Variants in TMEM144 observed in about 807,000 individuals in gnomAD.
TMEM144 encodes the protein transmembrane protein 144.
TMEM144 carries 39 observed loss-of-function variants against 43.6 expected under a neutral mutation model. The ratio of observed to expected loss-of-function variants is 0.90; its 90% CI spans 0.69 to 1.17. TMEM144 has a LOEUF of 1.17. Among genes scored for constraint, TMEM144 ranks in the 50% most tolerant of loss-of-function variants. The pLI, the probability that TMEM144 is intolerant of heterozygous loss-of-function variation, is 0.00. For synonymous variants in TMEM144, 154 were observed against 133.6 expected, an observed-to-expected ratio of 1.15 and a Z score of -1.06; for missense variants, 417 against 411.9, an observed-to-expected ratio of 1.01 and a Z score of -0.11.
At chr4:158,213,869 A>G (rs897171565) in intron 3 of TMEM144, 2 of 152,174 alleles carry the variant, frequency 1.3e-5, no homozygotes, top group Non-Finnish European at 2.9e-5. Flanking sequence ...CTACCCGAAG[A>G]ACAAAAAAAT....
chr4:158,240,511 C>T, intron 10 of TMEM144, 93 bp downstream of exon 10: 3 of 1,357,864 alleles, frequency 2.2e-6, no homozygotes, highest in Non-Finnish European at 3.0e-6. Flanking sequence ...ACAAAGCCAT[C>T]CTCTGTGTGT....
intron 12 of TMEM144, among the ~76,000 whole-genome samples, chr4:158,244,665 A>G (rs1475403040): frequency 6.6e-6 from 1 of 152,162 alleles, no homozygotes; most frequent in Non-Finnish European, 1.5e-5. Flanking sequence ...GCGAGACTCC[A>G]TCTCAAAAAA....
chr4:158,218,603 T>C (rs1041897759), intron 5 of TMEM144, among the ~76,000 whole-genome samples: 2 of 152,038 alleles, frequency 1.3e-5, no homozygotes, highest in Non-Finnish European at 2.9e-5. Flanking sequence ...GAAAAAAAAA[T>C]TGTGGTGATG....
intron 6 of TMEM144, among the ~76,000 whole-genome samples, chr4:158,231,864 G>T (rs1735097002): frequency 2.6e-5 from 4 of 152,104 alleles, no homozygotes; most frequent in Admixed American, 2.6e-4. Flanking sequence ...AAAGGAATAT[G>T]AAACTATTCA....
chr4:158,239,250 A>T (rs893525913), intron 9 of TMEM144, among the ~76,000 whole-genome samples: 26 of 152,136 alleles, frequency 1.7e-4, no homozygotes, highest in Non-Finnish European at 3.1e-4. Flanking sequence ...CAACAGACAA[A>T]CTCTCTGTCA....
At chr4:158,237,497 A>T in intron 8 of TMEM144, 28 bp from the exon 9 acceptor site, 1 of 1,551,482 alleles carries the variant, frequency 6.4e-7, no homozygotes. Flanking sequence ...TTGAGCCAAG[A>T]TTAATAGTGA....
intron 6 of TMEM144, among the ~76,000 whole-genome samples, chr4:158,223,462 C>T (rs956770570): frequency 8.6e-5 from 13 of 152,008 alleles, no homozygotes; most frequent in African/African-American, 2.9e-4. Context: ...ACTTTAAGTT[C>T]CAGGATACAT....
chr4:158,240,163 G>A (rs1735557851), intron 9 of TMEM144, 136 bp from the exon 10 acceptor site: 1 of 968,430 alleles, frequency 1.0e-6, no homozygotes, highest in Non-Finnish European at 1.5e-6. Context: ...AGGATTACAG[G>A]TGTGAGCCAC....
intron 8 of TMEM144, 127 bp downstream of exon 8, chr4:158,235,632 C>G: frequency 1.0e-6 from 1 of 959,920 alleles, no homozygotes; most frequent in Non-Finnish European, 1.4e-6. Context: ...TGACTTCTAT[C>G]TCCATGCGGC....
chr4:158,248,641 A>G (rs778996460), intron 12 of TMEM144, among the ~76,000 whole-genome samples: 23 of 152,232 alleles, frequency 1.5e-4, no homozygotes, highest in Non-Finnish European at 3.1e-4. Context: ...TAATTTTTAA[A>G]GTATTTTTGT....
In TMEM144 at chr4:158,254,663, G is replaced by T. The variant is rs1736391128; in HGVS notation, c.*1136G>T. The T allele has an allele frequency of 6.6e-6, 1 of 152,078 alleles. No individual in the cohort carries two copies. Among genetic ancestry groups the T allele is most frequent in the South Asian group, 2.1e-4 (1 of 4,818 alleles). 9.4% of individuals were successfully genotyped at this position (152,078 alleles called of 1,614,324 possible). ...AAACAGAACTGCCAGTACAATGTTT[G>T]TTGCAATTGTTTCCAAAACTTTGAG... On this transcript the variant is annotated 3_prime_UTR_variant, in exon 13 of 13. Coordinates refer to ENST00000296529, the MANE Select transcript of TMEM144 (RefSeq NM_018342.5).
At chr4:158,215,906 T>C (rs1734197495) in intron 4 of TMEM144, among the ~76,000 whole-genome samples, 1 of 152,130 alleles carries the variant, frequency 6.6e-6, no homozygotes, top group African/African-American at 2.4e-5. Flanking sequence ...CAAAGAGAAT[T>C]CCAAGTATCA....
chr4:158,238,351 G>A (rs1180756475), intron 9 of TMEM144, among the ~76,000 whole-genome samples: 1 of 152,176 alleles, frequency 6.6e-6, no homozygotes, highest in Non-Finnish European at 1.5e-5. Context: ...CAAAAGTCGT[G>A]AGGGAAAGAT....
rs1486933147 is a variant in TMEM144 at position 158,247,906 on chromosome 4, T to C, written c.954+3557T>C. ...GTAGGTCCTAAAGTTTGGCTAATTA[T>C]TTATGTAAAAATAGGCAAAAAAAAA... On this transcript the variant is annotated intron_variant, in intron 12 of 12. Coordinates refer to ENST00000296529, the MANE Select transcript of TMEM144 (RefSeq NM_018342.5). 1.3e-4 allele frequency among the ~76,000 whole-genome samples: 20 copies of C among 150,894 alleles called. 1 individual carries two copies. The highest frequency in any genetic ancestry group is 4.4e-4 in the African/African-American group (18 of 41,086).
At chr4:158,222,085 A>T (rs1220410343) in intron 6 of TMEM144, among the ~76,000 whole-genome samples, 5 of 150,984 alleles carry the variant, frequency 3.3e-5, no homozygotes, top group African/African-American at 7.4e-5. Context: ...TGTAAAAAAA[A>T]TTTTGAATGT....
intron 11 of TMEM144, among the ~76,000 whole-genome samples, chr4:158,242,428 G>T (rs780318781): frequency 6.6e-6 from 1 of 151,954 alleles, no homozygotes; most frequent in Non-Finnish European, 1.5e-5. Flanking sequence ...TATTTTTTTG[G>T]TAGGGCTAGA....
intron 12 of TMEM144, among the ~76,000 whole-genome samples, chr4:158,248,766 T>A (rs1481359547): frequency 6.6e-6 from 1 of 152,234 alleles, no homozygotes; most frequent in African/African-American, 2.4e-5. Context: ...TGAAGACGCA[T>A]ATTTAAAAGT....
In TMEM144 at chr4:158,245,751, C is replaced by A. The variant is rs113661314; in HGVS notation, c.954+1402C>A. On this transcript the variant is annotated intron_variant, in intron 12 of 12. Transcript: ENST00000296529. ...ACCAGCCTAGGCAACATAGCAAAAC[C>A]GCTATCTCTACAAAAACAATTTAAA... is the stretch of plus-strand genomic sequence containing the variant. 1.0e-3 allele frequency among the ~76,000 whole-genome samples: 158 copies of A among 152,100 alleles called. 1 individual carries two copies. Among genetic ancestry groups the A allele is most frequent in the Non-Finnish European group, 1.5e-3 (100 of 67,976 alleles).
intron 12 of TMEM144, among the ~76,000 whole-genome samples, chr4:158,247,678 C>A (rs1423291203): frequency 6.6e-6 from 1 of 151,970 alleles, no homozygotes; most frequent in African/African-American, 2.4e-5. Context: ...AAAGAATTAA[C>A]AAGTAATGTG....
Sources: allele counts gnomAD v4.1 joint callset (sites outside exome capture counted in the v4.1 genomes callset), GRCh38; gene constraint gnomAD v4.1.1; transcripts MANE v1.5; gene names NCBI Gene and HGNC (gene_info 2026-07-23, HGNC 2026-07-21).